SHISA9: variants seen among roughly 807,000 people sequenced by gnomAD.
SHISA9 encodes the protein protein shisa-9.
Under a neutral mutation model 38.0 loss-of-function variants are expected in SHISA9, and 13 were observed. The ratio of observed to expected loss-of-function variants is 0.34; its 90% CI spans 0.22 to 0.54. SHISA9 has a LOEUF of 0.54. Among genes scored for constraint, SHISA9 ranks in the 20% least tolerant of loss-of-function variants. The pLI, the probability that SHISA9 is intolerant of heterozygous loss-of-function variation, is 0.91. For synonymous variants in SHISA9, 275 were observed against 242.0 expected (o/e 1.14, Z -1.27); for missense variants, 538 against 575.8 (o/e 0.93, Z 0.67).
chr16:13,388,434 C>T, the SHISA9 span, among the ~76,000 whole-genome samples: 2 of 151,884 alleles, frequency 1.3e-5, no homozygotes, highest in Admixed American at 6.6e-5. Flanking sequence ...GCCTCAGCTT[C>T]CTGAGTAGCT....
At chr16:13,273,400 G>T in the SHISA9 span, among the ~76,000 whole-genome samples, 2 of 152,128 alleles carry the variant, frequency 1.3e-5, no homozygotes, top group African/African-American at 4.8e-5. Flanking sequence ...AATCATGGGG[G>T]CTGGTCTTTC....
At chr16:13,376,571 G>C in the SHISA9 span, among the ~76,000 whole-genome samples, 3 of 152,168 alleles carry the variant, frequency 2.0e-5, no homozygotes, top group Non-Finnish European at 2.9e-5. Flanking sequence ...ATTGAATCAG[G>C]ACCATGGCTA....
At chr16:12,993,864 C>T (rs1407450364) in intron 2 of SHISA9, among the ~76,000 whole-genome samples, 1 of 151,924 alleles carries the variant, frequency 6.6e-6, no homozygotes, top group Non-Finnish European at 1.5e-5. Flanking sequence ...AAGGGGGTTC[C>T]AGGTGGAGGG....
At chr16:13,120,165 C>A (rs2074071114) in intron 2 of SHISA9, among the ~76,000 whole-genome samples, 1 of 152,120 alleles carries the variant, frequency 6.6e-6, no homozygotes, top group South Asian at 2.1e-4. Context: ...AGGAAGGGTG[C>A]AGATATGCAA....
chr16:13,292,578 A>G, the SHISA9 span, among the ~76,000 whole-genome samples: 1 of 152,070 alleles, frequency 6.6e-6, no homozygotes, highest in Non-Finnish European at 1.5e-5. Context: ...AGCCTCCATC[A>G]TGTAATCAAG....
the SHISA9 span, among the ~76,000 whole-genome samples, chr16:13,298,737 T>C: frequency 3.3e-5 from 5 of 152,324 alleles, no homozygotes; most frequent in African/African-American, 9.6e-5. Flanking sequence ...AACCCTGAAA[T>C]GCAGCCCTTT....
intron 2 of SHISA9, among the ~76,000 whole-genome samples, chr16:12,985,881 C>G (rs1433790978): frequency 6.6e-6 from 1 of 152,162 alleles, no homozygotes; most frequent in East Asian, 1.9e-4. Context: ...GAGTTTGTAT[C>G]CTGCTTCCAG....
At chr16:13,407,188 C>T in the SHISA9 span, among the ~76,000 whole-genome samples, 2 of 151,232 alleles carry the variant, frequency 1.3e-5, no homozygotes, top group Admixed American at 6.6e-5. Flanking sequence ...ATTTATTTCT[C>T]ACCATTCTGG....
At chr16:13,074,639 T>C (rs534698592) in intron 2 of SHISA9, among the ~76,000 whole-genome samples, 3 of 152,130 alleles carry the variant, frequency 2.0e-5, no homozygotes, top group South Asian at 2.1e-4. Flanking sequence ...TACTATTATT[T>C]TTTTCTTTTC....
intron 2 of SHISA9, among the ~76,000 whole-genome samples, chr16:12,936,842 G>GCTC (rs1403499326): frequency 6.6e-6 from 1 of 152,072 alleles, no homozygotes; most frequent in East Asian, 1.9e-4. Context: ...ATGCCATATG[G>GCTC]CTCCTGCTTG....
chr16:13,444,401 A>AAGGGAGGG, the SHISA9 span, among the ~76,000 whole-genome samples: 1 of 112,458 alleles, frequency 8.9e-6, no homozygotes, highest in Non-Finnish European at 1.9e-5. Context: ...AGAAGGAAGG[A>AAGGGAGGG]AGGGAGGGAG....
chr16:13,400,503 C>A, the SHISA9 span, among the ~76,000 whole-genome samples: 1 of 152,134 alleles, frequency 6.6e-6, no homozygotes, highest in South Asian at 2.1e-4. Flanking sequence ...CTGTTTTTTG[C>A]AGAAGACCAA....
the SHISA9 span, among the ~76,000 whole-genome samples, chr16:13,385,320 C>G: frequency 6.6e-6 from 1 of 152,336 alleles, no homozygotes; most frequent in Middle Eastern, 3.4e-3. Context: ...TTGAAATGGA[C>G]ATTCACACAA....
intron 2 of SHISA9, among the ~76,000 whole-genome samples, chr16:13,111,195 G>A (rs2073974720): frequency 1.3e-5 from 2 of 152,052 alleles, no homozygotes; most frequent in Admixed American, 1.3e-4. Flanking sequence ...TTGACAAATG[G>A]GATCTAATTA....
chr16:13,058,555 G>A (rs577692723), intron 2 of SHISA9, among the ~76,000 whole-genome samples: 13 of 152,350 alleles, frequency 8.5e-5, no homozygotes, highest in African/African-American at 3.1e-4. Context: ...AAGGAAGACA[G>A]CAGTGATGCT....
At chr16:13,447,993 G>T in the SHISA9 span, among the ~76,000 whole-genome samples, 1 of 152,176 alleles carries the variant, frequency 6.6e-6, no homozygotes, top group Non-Finnish European at 1.5e-5. Flanking sequence ...AACCTGAAAA[G>T]GAAAACCATT....
At chr16:13,047,223 A>G (rs766273898) in intron 2 of SHISA9, among the ~76,000 whole-genome samples, 3 of 152,098 alleles carry the variant, frequency 2.0e-5, no homozygotes, top group Admixed American at 6.5e-5. Context: ...TTAGAGGTTT[A>G]ATAAATTCTT....
At chr16:12,932,164 C>G (rs1205862649) in intron 2 of SHISA9, among the ~76,000 whole-genome samples, 1 of 152,124 alleles carries the variant, frequency 6.6e-6, no homozygotes, top group Non-Finnish European at 1.5e-5. Context: ...TCCATTAAGC[C>G]TTTTTTTCTT....
At chr16:13,429,364 G>C in the SHISA9 span, among the ~76,000 whole-genome samples, 2 of 152,094 alleles carry the variant, frequency 1.3e-5, no homozygotes. Flanking sequence ...AAGGGAAAAT[G>C]TATTCCATGC....
Sources: gnomAD v4.1 joint callset for allele counts (sites outside exome capture counted in the v4.1 genomes callset) on GRCh38, gnomAD v4.1.1 for gene constraint, MANE v1.5 for transcripts, NCBI Gene and HGNC (gene_info 2026-07-23, HGNC 2026-07-21) for gene names.